Variants in DMKN observed in about 807,000 individuals in gnomAD.
DMKN encodes the protein epidermis-specific secreted protein SK30/SK89.
Under a neutral mutation model 67.6 loss-of-function variants are expected in DMKN, and 58 were observed. The observed-to-expected ratio is 0.86, with a 90% CI of 0.69 to 1.07. The LOEUF (loss-of-function observed/expected upper bound fraction) is 1.07, where lower values mean the gene tolerates loss of function less well. DMKN is among the 50% of genes least tolerant of loss of function. The probability of loss-of-function intolerance (pLI) is 0.00; values close to 1 mark genes in which losing one functional copy is unlikely to be tolerated. For missense variants in DMKN, 596 were observed against 601.5 expected, an observed-to-expected ratio of 0.99 and a Z score of 0.10; for synonymous variants, 240 against 232.3, an observed-to-expected ratio of 1.03 and a Z score of -0.30.
chr19:35,513,145 G>A lies in DMKN; in HGVS notation c.331C>T (p.His111Tyr), dbSNP rs1325769049. 2 of 1,614,154 alleles carry A rather than the reference G, an allele frequency of 1.2e-6. No individual in the cohort carries two copies. The change falls in exon 1 of 16, where the codon CAC becomes TAC. Residue 111 changes from histidine to tyrosine, a missense_variant. By Grantham distance (83) the His-to-Tyr change is moderately conservative. Transcript: ENST00000339686. The part of the protein sequence containing the change: ...EAAHALGNTG[H>Y]EIGRQAEDVI... ...TCTTCTGCCTGTCTGCCAATCTCGTGCCCAGTGTTTCCCAGAGCATGGGCT... is the reference window on the plus strand; with the variant it reads ...TCTTCTGCCTGTCTGCCAATCTCGTACCCAGTGTTTCCCAGAGCATGGGCT...
chr19:35,511,221 G>A (rs2070696476), intron 5 of DMKN, among the ~76,000 whole-genome samples, 190 bp downstream of exon 5: 2 of 152,182 alleles, frequency 1.3e-5, no homozygotes, highest in South Asian at 4.1e-4. Flanking sequence ...TGGCAGAAAC[G>A]ATAGTGCGCG....
At chr19:35,507,528 C>T (rs936932923) in intron 7 of DMKN, 167 of 1,551,154 alleles carry the variant, frequency 1.1e-4, no homozygotes, top group Non-Finnish European at 1.4e-4. Context: ...AGACAGAAAA[C>T]GGAGAGGAGT....
chr19:35,500,112 G>T, intron 12 of DMKN, 83 bp from the exon 13 acceptor site: 4 of 1,492,564 alleles, frequency 2.7e-6, no homozygotes, highest in African/African-American at 1.4e-5. Flanking sequence ...CTTCCTGCCT[G>T]GACCAGACCT....
intron 3 of DMKN, 30 bp downstream of exon 3, chr19:35,512,391 C>A: frequency 6.2e-7 from 1 of 1,611,492 alleles, no homozygotes; most frequent in Non-Finnish European, 8.5e-7. Flanking sequence ...CCAGTGGCTT[C>A]TTCATTTGTT....
intron 11 of DMKN, 83 bp from the exon 12 acceptor site, chr19:35,500,663 AC>A (rs1028187829): frequency 2.7e-6 from 4 of 1,469,408 alleles, no homozygotes; most frequent in Non-Finnish European, 2.8e-6. Flanking sequence ...TTTCTCCCTC[AC>A]CCCACCCCTT....
At chr19:35,506,026 C>A (rs368574388) in intron 7 of DMKN, 40 bp from the exon 8 acceptor site, 1 of 1,613,964 alleles carries the variant, frequency 6.2e-7, no homozygotes, top group Non-Finnish European at 8.5e-7. Context: ...GAAGAACCCA[C>A]TTTGTGAGCC....
At position 35,510,180 on chromosome 19, in the gene DMKN, T is replaced by C. The variant is rs1199955807; in HGVS notation, c.987+4A>G. On this transcript the variant is annotated splice_donor_region_variant and intron_variant, in intron 6 of 15. Coordinates refer to ENST00000339686, the MANE Select transcript of DMKN (RefSeq NM_033317.5). Reference sequence around the variant, plus strand: ...TTGGTGGGAGATTCACGCCAGCCACTCACCCCGGGTTTATGTCCATTTCCT... The same window carrying C: ...TTGGTGGGAGATTCACGCCAGCCACCCACCCCGGGTTTATGTCCATTTCCT... 6.2e-7 allele frequency: 1 copy of C among 1,606,538 alleles called. No individual in the cohort carries two copies. Among genetic ancestry groups the C allele is most frequent in the Non-Finnish European group, 8.5e-7 (1 of 1,176,320 alleles).
Position 35,509,976 on chromosome 19 carries a change from A to G in DMKN, c.988-15T>C. On this transcript the variant is annotated splice_polypyrimidine_tract_variant and intron_variant, in intron 6 of 15. Transcript: ENST00000339686. ...GGCTTTTCACACTGCCGGGGAGAGAAAGGGGAGACTTTCCCTCAGTCCCCT... is the reference window on the plus strand; with the variant it reads ...GGCTTTTCACACTGCCGGGGAGAGAGAGGGGAGACTTTCCCTCAGTCCCCT... The G allele has an allele frequency of 6.2e-7, 1 of 1,614,018 alleles. No homozygotes were observed. Among genetic ancestry groups the G allele is most frequent in the Non-Finnish European group, 8.5e-7 (1 of 1,179,936 alleles).
chr19:35,502,172 C>G lies in DMKN; in HGVS notation c.1203G>C (p.Gln401His). ...CTTTCCAGTTGAGGAAAGGAGTGTTCTGTTTGAAATCCTGCAGGGAGAAGG... is the reference window on the plus strand; with the variant it reads ...CTTTCCAGTTGAGGAAAGGAGTGTTGTGTTTGAAATCCTGCAGGGAGAAGG... ...YFSRLWEDFK[Q>H]NTPFLNWKAI... The change falls in exon 11 of 16, where the codon CAG (glutamine) becomes CAC (histidine). Residue 401 changes from glutamine to histidine, a missense_variant. Physicochemically the swap from Gln to His is conservative, Grantham distance 24. Coordinates refer to ENST00000339686, the MANE Select transcript of DMKN (RefSeq NM_033317.5). 1 of 1,614,146 alleles carries G rather than the reference C, an allele frequency of 6.2e-7. No homozygotes were observed. Among genetic ancestry groups the G allele is most frequent in the Non-Finnish European group, 8.5e-7 (1 of 1,180,048 alleles).
intron 7 of DMKN, chr19:35,507,841 C>T: frequency 2.3e-6 from 1 of 437,706 alleles, no homozygotes; most frequent in East Asian, 4.0e-5. Flanking sequence ...CGAATTCTCC[C>T]CTGGCTTTGG....
intron 15 of DMKN, 28 bp downstream of exon 15, chr19:35,498,688 G>T (rs2067855015): frequency 6.2e-7 from 1 of 1,613,384 alleles, no homozygotes; most frequent in Non-Finnish European, 8.5e-7. Flanking sequence ...CCAGGATGTG[G>T]CCTGGGTCGG....
At chr19:35,499,836 A>G (rs1451143304) in intron 13 of DMKN, 122 bp downstream of exon 13, 2 of 995,574 alleles carry the variant, frequency 2.0e-6, no homozygotes, top group Non-Finnish European at 3.0e-6. Context: ...GGAGGCCTGG[A>G]CTCAAAGAGA....
chr19:35,507,457 C>T, intron 7 of DMKN: 5 of 1,551,362 alleles, frequency 3.2e-6, no homozygotes, highest in East Asian at 2.4e-5. Context: ...CCTAGGCTCA[C>T]CCTATAATTG....
chr19:35,499,039 A>G, intron 13 of DMKN, 142 bp from the exon 14 acceptor site: 2 of 1,202,176 alleles, frequency 1.7e-6, no homozygotes, highest in Non-Finnish European at 2.4e-6. Context: ...GACTGTGGAC[A>G]TTCAGGCTGT....
intron 15 of DMKN, 85 bp downstream of exon 15, chr19:35,498,631 G>GAT (rs901881956): frequency 2.3e-4 from 358 of 1,575,262 alleles, no homozygotes; most frequent in Non-Finnish European, 2.9e-4. Flanking sequence ...GAGATCTGAG[G>GAT]ATATACCAAG....
At chr19:35,505,242 G>A (rs773559957) in intron 9 of DMKN, among the ~76,000 whole-genome samples, 15 of 152,086 alleles carry the variant, frequency 9.9e-5, no homozygotes. Context: ...GGAGGAAGGA[G>A]GGAGGGGTTC....
chr19:35,499,005 G>A, intron 13 of DMKN, 108 bp from the exon 14 acceptor site: 1 of 1,526,418 alleles, frequency 6.6e-7, no homozygotes. Context: ...TCACACCAGG[G>A]CTATCACCAA....
intron 9 of DMKN, 39 bp downstream of exon 9, chr19:35,505,679 T>G (rs2069328367): frequency 3.1e-6 from 5 of 1,613,620 alleles, no homozygotes; most frequent in Non-Finnish European, 1.7e-6. Context: ...TTAGCTTTCT[T>G]CCCTATAGCC....
chr19:35,511,802 G>T lies in DMKN; in HGVS notation c.696C>A (p.Pro232=). ...AGCCTCCACCTGAGCCAGATGGTGGGGGATTCGTGCACTGTCGAGGGAAAG... is the reference window on the plus strand; with the variant it reads ...AGCCTCCACCTGAGCCAGATGGTGGTGGATTCGTGCACTGTCGAGGGAAAG... ...ASNQNEGCTN[P]PPSGSGGGSS... The change falls in exon 4 of 16, where the codon CCC becomes CCA. Residue 232 remains proline (P), a synonymous_variant. Transcript: ENST00000339686. 6.2e-7 allele frequency: 1 copy of T among 1,613,382 alleles called. No individual in the cohort carries two copies. Among genetic ancestry groups the T allele is most frequent in the Non-Finnish European group, 8.5e-7 (1 of 1,179,614 alleles).
Sources: gnomAD v4.1 joint callset for allele counts (sites outside exome capture counted in the v4.1 genomes callset) on GRCh38, gnomAD v4.1.1 for gene constraint, MANE v1.5 for transcripts, NCBI Gene and HGNC (gene_info 2026-07-23, HGNC 2026-07-21) for gene names.